PRKD1: variants seen among roughly 807,000 people sequenced by gnomAD.
PRKD1 encodes the protein serine/threonine-protein kinase D1.
A neutral mutation model predicts 95.9 loss-of-function variants in PRKD1; 63 were observed. The ratio of observed to expected loss-of-function variants is 0.66; its 90% CI spans 0.54 to 0.81. The LOEUF (loss-of-function observed/expected upper bound fraction) is 0.81. Ranked by LOEUF, PRKD1 falls within the 30% of genes least tolerant of loss-of-function variation. The pLI is 0.00. For synonymous variants in PRKD1, 425 were observed against 423.1 expected (o/e 1.00, Z -0.05); for missense variants, 1,048 against 1,165.3 (o/e 0.90, Z 1.47).
intron 13 of PRKD1, among the ~76,000 whole-genome samples, chr14:29,610,589 C>T (rs1289897907): frequency 6.6e-6 from 1 of 152,190 alleles, no homozygotes; most frequent in African/African-American, 2.4e-5. Context: ...AATGGTACAG[C>T]AACTTTGGGA....
intron 1 of PRKD1, among the ~76,000 whole-genome samples, chr14:29,893,458 C>T (rs1894011015): frequency 6.6e-6 from 1 of 151,750 alleles, no homozygotes; most frequent in African/African-American, 2.4e-5. Flanking sequence ...TGTCTTCACT[C>T]ACATATTTGG....
chr14:29,856,012 T>G (rs570330722), intron 1 of PRKD1, among the ~76,000 whole-genome samples: 1 of 152,302 alleles, frequency 6.6e-6, no homozygotes, highest in South Asian at 2.1e-4. Context: ...GACTAATATA[T>G]GCACACTAAT....
intron 1 of PRKD1, among the ~76,000 whole-genome samples, chr14:29,875,377 T>A (rs1350296445): frequency 6.6e-6 from 1 of 152,228 alleles, no homozygotes; most frequent in Non-Finnish European, 1.5e-5. Flanking sequence ...ATGATGCAAC[T>A]AACAAGTGAT....
At chr14:29,699,416 C>G (rs1232766537) in intron 2 of PRKD1, among the ~76,000 whole-genome samples, 1 of 151,976 alleles carries the variant, frequency 6.6e-6, no homozygotes, top group Non-Finnish European at 1.5e-5. Context: ...CATTTTTTTT[C>G]AATTGCGTAT....
At chr14:29,600,401 C>T (rs796160159) in intron 13 of PRKD1, among the ~76,000 whole-genome samples, 18 of 152,192 alleles carry the variant, frequency 1.2e-4, no homozygotes, top group African/African-American at 4.1e-4. Flanking sequence ...ATCCTACCTG[C>T]TTGGTTTTCA....
At chr14:29,592,516 C>T (rs1189946119) in intron 16 of PRKD1, among the ~76,000 whole-genome samples, 2 of 152,000 alleles carry the variant, frequency 1.3e-5, no homozygotes, top group South Asian at 2.1e-4. Context: ...AATCTTTATA[C>T]ACAATTGTAG....
At chr14:29,787,089 C>A (rs1260424787) in intron 1 of PRKD1, among the ~76,000 whole-genome samples, 1 of 151,912 alleles carries the variant, frequency 6.6e-6, no homozygotes, top group East Asian at 1.9e-4. Flanking sequence ...CATTGACTCA[C>A]TGGTCATATA....
chr14:29,720,547 C>T (rs1885837019), intron 2 of PRKD1, among the ~76,000 whole-genome samples: 2 of 151,684 alleles, frequency 1.3e-5, no homozygotes, highest in South Asian at 2.1e-4. Context: ...TTTGGGAGGC[C>T]GAGACAGGCG....
chr14:29,913,249 CTCTT>C (rs1448019529), intron 1 of PRKD1, among the ~76,000 whole-genome samples: 1 of 152,160 alleles, frequency 6.6e-6, no homozygotes, highest in African/African-American at 2.4e-5. Flanking sequence ...GATTTGATGA[CTCTT>C]TCTATGAAAT....
At chr14:29,588,650 CA>C (rs574341537) in intron 16 of PRKD1, among the ~76,000 whole-genome samples, 2 of 152,108 alleles carry the variant, frequency 1.3e-5, no homozygotes, top group Non-Finnish European at 2.9e-5. Context: ...CCAGGGCACA[CA>C]AGTGGAAGAA....
intron 1 of PRKD1, among the ~76,000 whole-genome samples, chr14:29,818,877 T>C (rs981886076): frequency 3.3e-5 from 5 of 152,158 alleles, no homozygotes; most frequent in African/African-American, 1.2e-4. Context: ...TTAATGTATA[T>C]AGTAGATATA....
chr14:29,625,397 T>C (rs1428529326), intron 12 of PRKD1, among the ~76,000 whole-genome samples: 1 of 152,214 alleles, frequency 6.6e-6, no homozygotes, highest in Non-Finnish European at 1.5e-5. Context: ...GTCTTCCAGG[T>C]GGCAGCCTCC....
intron 13 of PRKD1, among the ~76,000 whole-genome samples, chr14:29,618,926 A>AT (rs1879056751): frequency 2.0e-5 from 3 of 152,110 alleles, no homozygotes; most frequent in Non-Finnish European, 2.9e-5. Context: ...ACTGAGGAGG[A>AT]TTTTGCCCCA....
intron 16 of PRKD1, among the ~76,000 whole-genome samples, chr14:29,579,134 T>G (rs1452275142): frequency 6.6e-6 from 1 of 151,918 alleles, no homozygotes; most frequent in South Asian, 2.1e-4. Flanking sequence ...GTAATACTCA[T>G]CGTTATCTAG....
chr14:29,638,823 C>T lies in PRKD1; in HGVS notation c.778G>A (p.Asp260Asn), dbSNP rs1246829999. The stretch of plus-strand genomic sequence containing the variant: ...TTAACTTTAGACATCAAAATCTTGT[C>T]AAGGTGAATTGGTCGTCCAATGTAT... ...QSYIGRPIHL[D>N]KILMSKVKVP... The change falls in exon 5 of 18, where the codon GAC becomes AAC. Residue 260 changes from aspartate to asparagine, a missense_variant. By Grantham distance (23) the Asp-to-Asn change is conservative. Transcript: ENST00000331968. 1 of 1,568,158 alleles carries T rather than the reference C, an allele frequency of 6.4e-7. No individual in the cohort carries two copies. Among genetic ancestry groups the T allele is most frequent in the African/African-American group, 1.4e-5 (1 of 72,972 alleles).
At chr14:29,853,864 A>C (rs1436395816) in intron 1 of PRKD1, among the ~76,000 whole-genome samples, 1 of 152,076 alleles carries the variant, frequency 6.6e-6, no homozygotes, top group Non-Finnish European at 1.5e-5. Flanking sequence ...TGGTTTTAAA[A>C]ACAGGAGTTT....
chr14:29,741,784 C>A (rs1030642375), intron 1 of PRKD1, among the ~76,000 whole-genome samples: 1 of 152,084 alleles, frequency 6.6e-6, no homozygotes, highest in Non-Finnish European at 1.5e-5. Context: ...ATTTTACTGA[C>A]ACTTATATTC....
chr14:29,633,506 C>T (rs1408055756), intron 8 of PRKD1, among the ~76,000 whole-genome samples: 1 of 152,152 alleles, frequency 6.6e-6, no homozygotes, highest in Non-Finnish European at 1.5e-5. Context: ...AAACAACCAA[C>T]TCTACCTTCT....
intron 1 of PRKD1, among the ~76,000 whole-genome samples, chr14:29,780,107 C>T (rs1156737807): frequency 6.6e-6 from 1 of 152,168 alleles, no homozygotes; most frequent in African/African-American, 2.4e-5. Flanking sequence ...GAAACTGGAT[C>T]CCTTCCTTAC....
Sources: allele counts gnomAD v4.1 joint callset (sites outside exome capture counted in the v4.1 genomes callset), GRCh38; gene constraint gnomAD v4.1.1; transcripts MANE v1.5; gene names NCBI Gene and HGNC (gene_info 2026-07-23, HGNC 2026-07-21).